NPSR1: variants seen among roughly 807,000 people sequenced by gnomAD.
The protein encoded by NPSR1 is neuropeptide S receptor 1, also known as neuropeptide S receptor.
Under a neutral mutation model 46.9 loss-of-function variants are expected in NPSR1, and 48 were observed. That is an observed-to-expected ratio of 1.02 (90% CI 0.81 to 1.30). The LOEUF is 1.30. Among genes scored for constraint, NPSR1 ranks in the 50% most tolerant of loss-of-function variants. The probability of loss-of-function intolerance (pLI) is 0.00; values close to 1 mark genes in which losing one functional copy is unlikely to be tolerated. For synonymous variants in NPSR1, 176 were observed against 168.1 expected, an observed-to-expected ratio of 1.05 and a Z score of -0.36; for missense variants, 450 against 449.5, an observed-to-expected ratio of 1.00 and a Z score of -0.01.
intron 8 of NPSR1, among the ~76,000 whole-genome samples, chr7:34,876,215 A>G (rs1214727603): frequency 6.6e-6 from 1 of 152,038 alleles, no homozygotes; most frequent in Non-Finnish European, 1.5e-5. Context: ...GGGAAGGGAA[A>G]TATCACTGCT....
intron 4 of NPSR1, among the ~76,000 whole-genome samples, chr7:34,815,221 C>G (rs888613290): frequency 6.6e-6 from 1 of 152,078 alleles, no homozygotes; most frequent in Non-Finnish European, 1.5e-5. Flanking sequence ...GTAGAGAAGA[C>G]CTTAAATGAC....
At chr7:34,813,228 T>A (rs529962038) in intron 4 of NPSR1, among the ~76,000 whole-genome samples, 4 of 152,330 alleles carry the variant, frequency 2.6e-5, no homozygotes, top group African/African-American at 9.6e-5. Flanking sequence ...TTTCAGTACC[T>A]TCTGTTTATT....
At chr7:34,684,755 T>A in intron 2 of NPSR1, 71 bp downstream of exon 2, 1 of 1,273,706 alleles carries the variant, frequency 7.9e-7, no homozygotes, top group Non-Finnish European at 1.0e-6. Flanking sequence ...TTTTAATGAA[T>A]TTTATCAAAA....
At chr7:34,860,345 C>T (rs1234003733) in intron 8 of NPSR1, among the ~76,000 whole-genome samples, 2 of 151,630 alleles carry the variant, frequency 1.3e-5, no homozygotes, top group Non-Finnish European at 2.9e-5. Context: ...GTATTGTATG[C>T]ATTGATATTT....
At chr7:34,671,385 G>A (rs1185821009) in intron 1 of NPSR1, among the ~76,000 whole-genome samples, 1 of 152,158 alleles carries the variant, frequency 6.6e-6, no homozygotes, top group Non-Finnish European at 1.5e-5. Flanking sequence ...AAATAACCAT[G>A]TAAGATACAC....
chr7:34,775,941 G>T (rs750939718), intron 2 of NPSR1, among the ~76,000 whole-genome samples: 13 of 151,822 alleles, frequency 8.6e-5, no homozygotes, highest in Admixed American at 1.3e-4. Context: ...ATTATCATTT[G>T]TTTCAAGAAA....
intron 1 of NPSR1, among the ~76,000 whole-genome samples, chr7:34,658,873 C>G (rs1791316214): frequency 6.6e-6 from 1 of 152,068 alleles, no homozygotes; most frequent in Non-Finnish European, 1.5e-5. Context: ...TTAATTAATC[C>G]TATAGCAGTA....
intron 2 of NPSR1, among the ~76,000 whole-genome samples, chr7:34,699,675 G>A (rs952036458): frequency 7.9e-5 from 12 of 152,202 alleles, no homozygotes; most frequent in East Asian, 1.9e-4. Context: ...GTTATGTGCC[G>A]TCTCTTCTTG....
At chr7:34,679,964 T>C (rs1258000868) in intron 1 of NPSR1, among the ~76,000 whole-genome samples, 1 of 152,108 alleles carries the variant, frequency 6.6e-6, no homozygotes, top group Non-Finnish European at 1.5e-5. Flanking sequence ...TGATCTTATC[T>C]AGATAATTCA....
intron 2 of NPSR1, among the ~76,000 whole-genome samples, chr7:34,754,367 G>A (rs1225977925): frequency 6.6e-6 from 1 of 151,986 alleles, no homozygotes; most frequent in Admixed American, 6.6e-5. Flanking sequence ...GTTGGAGAAG[G>A]GTGCCTTTCT....
chr7:34,685,705 A>G, intron 2 of NPSR1: 2 of 428,454 alleles, frequency 4.7e-6, no homozygotes, highest in South Asian at 3.3e-5. Flanking sequence ...AATCTTAGCC[A>G]TACATTGTTA....
intron 1 of NPSR1, among the ~76,000 whole-genome samples, chr7:34,671,021 C>T (rs1429546968): frequency 1.3e-5 from 2 of 151,988 alleles, no homozygotes; most frequent in African/African-American, 4.8e-5. Context: ...ACTAAAGAAA[C>T]ATTCAAAGAC....
At position 34,751,222 on chromosome 7, in the gene NPSR1, G is replaced by T. The variant is rs1785506384; in HGVS notation, c.281-27240G>T. 6.3e-6 allele frequency: 7 copies of T among 1,117,168 alleles called. No individual in the cohort carries two copies. In the South Asian group the frequency reaches 8.7e-5, roughly 14 times the overall value. 69.2% of individuals were successfully genotyped at this position (1,117,168 alleles called of 1,614,324 possible). On this transcript the variant is annotated intron_variant, in intron 2 of 8. Coordinates refer to ENST00000360581, the MANE Select transcript of NPSR1 (RefSeq NM_207172.2). ...GGGAAAGTGGATGGCCAGATCCCCA[G>T]TGGCAACGATGAGATTAGACCGGAC...
At chr7:34,865,964 A>T (rs1791305027) in intron 8 of NPSR1, among the ~76,000 whole-genome samples, 1 of 151,782 alleles carries the variant, frequency 6.6e-6, no homozygotes. Context: ...CCCAGAGTCC[A>T]CCTGCTTTAC....
chr7:34,792,701 G>GTATATATATATATGTATATA (rs201324666), intron 3 of NPSR1, among the ~76,000 whole-genome samples: 1 of 72,216 alleles, frequency 1.4e-5, no homozygotes, highest in Admixed American at 1.4e-4. Flanking sequence ...ATATATATAC[G>GTATATATATATATGTATATA]TATATATATA....
rs560307029 is a variant in NPSR1, at chr7:34,664,114, C to G, written c.147+5555C>G. On this transcript the variant is annotated intron_variant, in intron 1 of 8. Coordinates refer to ENST00000360581, the MANE Select transcript of NPSR1 (RefSeq NM_207172.2). ...TTTCTTAAATAAACTGAGCTTCTCT[C>G]TGGACCTCTCAGTCCCCCAAGTAAA... 7.7e-4 allele frequency among the ~76,000 whole-genome samples: 117 copies of G among 152,352 alleles called. 1 individual carries two copies. Among genetic ancestry groups the G allele is most frequent in the Non-Finnish European group, 4.3e-4 (29 of 68,038 alleles).
In NPSR1 at chr7:34,716,945, G is replaced by A. The variant is rs6962757; in HGVS notation, c.280+32261G>A. Among the ~76,000 whole-genome samples the A allele has an allele frequency of 7.6e-3, 1,161 of 152,268 alleles. 13 individuals carry two copies. Among genetic ancestry groups the A allele is most frequent in the African/African-American group, 0.026 (1,100 of 41,548 alleles). ...CCTACAGTCACTGCTCTGCTAATGA[G>A]TGCTTCCCTTAGAGGTGAAGAAGCG... On this transcript the variant is annotated intron_variant, in intron 2 of 8. Transcript: ENST00000360581.
rs543868939 is a variant in NPSR1 at position 34,858,749 on chromosome 7, C to A, written c.1025+10086C>A. Among the ~76,000 whole-genome samples the A allele has an allele frequency of 8.2e-4, 125 of 151,814 alleles. 6 individuals are homozygous for A. The highest frequency in any genetic ancestry group is 2.7e-3 in the African/African-American group (112 of 41,102). On this transcript the variant is annotated intron_variant, in intron 8 of 8. Transcript: ENST00000359791. ...TTTAAAACCATCAGATCTCGTAAGA[C>A]CCATTCACTATCACAAGAACAGCAC... is the stretch of plus-strand genomic sequence containing the variant.
At chr7:34,822,411 G>T (rs537531714) in intron 4 of NPSR1, among the ~76,000 whole-genome samples, 1 of 152,154 alleles carries the variant, frequency 6.6e-6, no homozygotes, top group Non-Finnish European at 1.5e-5. Flanking sequence ...TAACTGAGGG[G>T]AGGCCATATT....
Sources: gnomAD v4.1 joint callset for allele counts (sites outside exome capture counted in the v4.1 genomes callset) on GRCh38, gnomAD v4.1.1 for gene constraint, MANE v1.5 for transcripts, NCBI Gene and HGNC (gene_info 2026-07-23, HGNC 2026-07-21) for gene names.